DIAPH2: variants seen among roughly 807,000 people sequenced by gnomAD.
The protein encoded by DIAPH2 is diaphanous related formin 2.
In DIAPH2, 35 loss-of-function variants were observed where a neutral mutation model predicts 92.7. The observed-to-expected ratio is 0.38, with a 90% CI of 0.29 to 0.50. The LOEUF (loss-of-function observed/expected upper bound fraction) is 0.50, where lower values mean the gene tolerates loss of function less well. Among genes scored for constraint, DIAPH2 ranks in the 20% least tolerant of loss-of-function variants. The pLI, the probability that DIAPH2 is intolerant of heterozygous loss-of-function variation, is 0.94. For missense variants in DIAPH2, 701 were observed against 819.5 expected (o/e 0.86, Z 1.77); for synonymous variants, 301 against 280.4 (o/e 1.07, Z -0.73).
chrX:97,547,756 G>T (rs1278856973), intron 26 of DIAPH2, among the ~76,000 whole-genome samples: 1 of 111,838 alleles, frequency 8.9e-6, no homozygotes, highest in East Asian at 2.8e-4. Flanking sequence ...AATCCTCAAA[G>T]AATTTTTGCA....
intron 4 of DIAPH2, among the ~76,000 whole-genome samples, chrX:96,801,253 A>G (rs2064580204): frequency 8.9e-6 from 1 of 112,148 alleles, no homozygotes; most frequent in Non-Finnish European, 1.9e-5. Flanking sequence ...ACAGCAAGCA[A>G]TCATTAAATC....
intron 4 of DIAPH2, among the ~76,000 whole-genome samples, chrX:96,810,716 C>A (rs1459003670): frequency 9.0e-6 from 1 of 111,556 alleles, no homozygotes; most frequent in Non-Finnish European, 1.9e-5. Flanking sequence ...GGGGGGAATC[C>A]AGTTTCAGCT....
intron 26 of DIAPH2, among the ~76,000 whole-genome samples, chrX:97,577,344 A>T (rs1450589793): frequency 8.9e-6 from 1 of 112,647 alleles, no homozygotes; most frequent in Admixed American, 9.4e-5. Context: ...CTACATGGCT[A>T]TTTAATATCG....
intron 21 of DIAPH2, among the ~76,000 whole-genome samples, chrX:97,134,795 C>G (rs2067159775): frequency 8.9e-6 from 1 of 111,815 alleles, no homozygotes; most frequent in Admixed American, 9.5e-5. Context: ...ATTTTTGTCA[C>G]TAACCTCACC....
chrX:96,710,458 T>G (rs1320660527), intron 1 of DIAPH2, among the ~76,000 whole-genome samples: 3 of 112,077 alleles, frequency 2.7e-5, no homozygotes, highest in African/African-American at 6.5e-5. Context: ...TATCACATTT[T>G]CATTGTAAAT....
intron 25 of DIAPH2, among the ~76,000 whole-genome samples, chrX:97,411,100 T>C (rs1224060205): frequency 1.8e-5 from 2 of 110,719 alleles, no homozygotes; most frequent in Admixed American, 9.7e-5. Flanking sequence ...GGACACATAA[T>C]TGTCAGATTC....
intron 22 of DIAPH2, among the ~76,000 whole-genome samples, chrX:97,177,709 T>TAA (rs11314858): frequency 2.3e-5 from 2 of 86,640 alleles, no homozygotes; most frequent in Non-Finnish European, 4.6e-5. Flanking sequence ...AAAGCCTACT[T>TAA]AAAAAAAAAA....
intron 17 of DIAPH2, among the ~76,000 whole-genome samples, chrX:97,032,908 G>T (rs1429193603): frequency 9.0e-6 from 1 of 111,043 alleles, no homozygotes; most frequent in East Asian, 2.8e-4. Context: ...TCTCTATTGG[G>T]ATCATTAACT....
intron 21 of DIAPH2, among the ~76,000 whole-genome samples, chrX:97,125,754 CAAATT>C (rs1445576552): frequency 1.8e-5 from 2 of 111,441 alleles, no homozygotes; most frequent in Admixed American, 9.5e-5. Flanking sequence ...AAAAAGTAAT[CAAATT>C]AATGCTGTGT....
chrX:96,950,763 A>T lies in DIAPH2; in HGVS notation c.1614+1724A>T, dbSNP rs753708124. On this transcript the variant is annotated intron_variant, in intron 15 of 26. Coordinates refer to ENST00000324765, the MANE Select transcript of DIAPH2 (RefSeq NM_006729.5). ...GCCTGTTGCAGACAGGATTAAATAA[A>T]ATCTCCTTACCAGGAATGTTAAGAC... Among the ~76,000 whole-genome samples the T allele has an allele frequency of 5.4e-5, 6 of 111,766 alleles. No individual in the cohort carries two copies. The East Asian group carries it at 1.4e-3, about 26-fold the overall frequency.
intron 15 of DIAPH2, among the ~76,000 whole-genome samples, chrX:96,954,453 T>C (rs750924286): frequency 2.7e-5 from 3 of 112,317 alleles, no homozygotes; most frequent in East Asian, 5.6e-4. Flanking sequence ...TCCATTGTCA[T>C]TAGAGAATGA....
chrX:97,270,917 G>A (rs1461995533), intron 23 of DIAPH2, among the ~76,000 whole-genome samples: 1 of 110,425 alleles, frequency 9.1e-6, no homozygotes, highest in Non-Finnish European at 1.9e-5. Context: ...TATTTATGGG[G>A]TGCCTATTGT....
intron 12 of DIAPH2, among the ~76,000 whole-genome samples, chrX:96,940,690 A>T (rs570114541): frequency 6.2e-5 from 7 of 112,105 alleles, no homozygotes; most frequent in African/African-American, 2.3e-4. Context: ...TGTTTAAAAT[A>T]TTAAATTGTG....
chrX:97,472,680 T>G (rs2070572642), intron 26 of DIAPH2, among the ~76,000 whole-genome samples: 1 of 112,318 alleles, frequency 8.9e-6, no homozygotes, highest in South Asian at 3.7e-4. Flanking sequence ...TATACCTCAG[T>G]ATAAGTATCT....
At chrX:97,002,013 T>TA (rs1187010097) in intron 17 of DIAPH2, among the ~76,000 whole-genome samples, 6 of 108,867 alleles carry the variant, frequency 5.5e-5, no homozygotes, top group African/African-American at 1.0e-4. Flanking sequence ...CTTTTCTGTT[T>TA]AAAAAAAAAG....
At chrX:96,961,728 T>A (rs1268479880) in intron 16 of DIAPH2, among the ~76,000 whole-genome samples, 1 of 110,600 alleles carries the variant, frequency 9.0e-6, no homozygotes, top group African/African-American at 3.3e-5. Flanking sequence ...TTTTTAATTT[T>A]CACTTACATT....
intron 26 of DIAPH2, among the ~76,000 whole-genome samples, chrX:97,496,375 A>G (rs914391689): frequency 9.2e-6 from 1 of 108,132 alleles, no homozygotes; most frequent in Non-Finnish European, 1.9e-5. Flanking sequence ...GGGTTTCTCC[A>G]TGTTAGTCAG....
chrX:97,019,232 C>T (rs1335389097), intron 17 of DIAPH2, among the ~76,000 whole-genome samples: 1 of 111,555 alleles, frequency 9.0e-6, no homozygotes. Flanking sequence ...TGGATAAATA[C>T]TAAGGAGTAT....
At chrX:97,361,053 T>C (rs1024078032) in intron 24 of DIAPH2, among the ~76,000 whole-genome samples, 37 of 105,858 alleles carry the variant, frequency 3.5e-4, no homozygotes, top group East Asian at 5.9e-4. Flanking sequence ...TCTTCTTCTT[T>C]TTTTTTTTTT....
Sources: allele counts gnomAD v4.1 joint callset (sites outside exome capture counted in the v4.1 genomes callset), GRCh38; gene constraint gnomAD v4.1.1; transcripts MANE v1.5; gene names NCBI Gene and HGNC (gene_info 2026-07-23, HGNC 2026-07-21).